MME: variants seen among roughly 807,000 people sequenced by gnomAD.
The protein encoded by MME is membrane metalloendopeptidase, also known as neprilysin.
In MME, 98 loss-of-function variants were observed where a neutral mutation model predicts 113.2. That is an observed-to-expected ratio of 0.87 (90% CI 0.74 to 1.02). The LOEUF is 1.02. Among genes scored for constraint, MME ranks in the 50% least tolerant of loss-of-function variants. MME has a pLI of 0.00. For missense variants in MME, 836 were observed against 896.0 expected (o/e 0.93, Z 0.86); for synonymous variants, 292 against 300.6 (o/e 0.97, Z 0.30).
At chr3:155,069,391 G>T (rs760744168) in intron 1 of MME, among the ~76,000 whole-genome samples, 2 of 152,134 alleles carry the variant, frequency 1.3e-5, no homozygotes, top group Non-Finnish European at 2.9e-5. Context: ...AATTAAAGAT[G>T]CTTTCAGTGA....
intron 8 of MME, among the ~76,000 whole-genome samples, chr3:155,126,450 A>G (rs1369177299): frequency 6.6e-6 from 1 of 150,896 alleles, no homozygotes; most frequent in Admixed American, 6.6e-5. Flanking sequence ...TTTGCATTTT[A>G]TACTCAATGC....
At chr3:155,134,444 T>C (rs1720454918) in intron 8 of MME, among the ~76,000 whole-genome samples, 1 of 152,198 alleles carries the variant, frequency 6.6e-6, no homozygotes, top group South Asian at 2.1e-4. Flanking sequence ...TCCAGCTGCA[T>C]CCATGTTGCT....
chr3:155,132,375 T>C (rs1720210833), intron 8 of MME, among the ~76,000 whole-genome samples: 1 of 152,196 alleles, frequency 6.6e-6, no homozygotes, highest in Non-Finnish European at 1.5e-5. Flanking sequence ...TAGTCCTAAC[T>C]AGAGTAACTA....
chr3:155,164,455 ATCC>A (rs1272893640), intron 17 of MME, among the ~76,000 whole-genome samples: 6 of 152,132 alleles, frequency 3.9e-5, no homozygotes, highest in African/African-American at 1.2e-4. Context: ...AGTGGGGAAA[ATCC>A]TCCTTACAGA....
intron 1 of MME, among the ~76,000 whole-genome samples, chr3:155,025,120 G>T (rs1224941618): frequency 4.6e-5 from 7 of 152,332 alleles, no homozygotes; most frequent in East Asian, 1.9e-4. Context: ...GAAAGGTGGA[G>T]CAGAGTATCT....
chr3:155,142,617 T>C (rs575328529), intron 12 of MME, among the ~76,000 whole-genome samples: 13 of 152,278 alleles, frequency 8.5e-5, no homozygotes, highest in African/African-American at 3.1e-4. Flanking sequence ...TTTTTTGTTG[T>C]TGTTACTGTG....
intron 8 of MME, among the ~76,000 whole-genome samples, chr3:155,135,430 A>C (rs1720546300): frequency 8.9e-6 from 1 of 112,662 alleles, no homozygotes; most frequent in African/African-American, 3.0e-5. Flanking sequence ...ACTTTGTCAC[A>C]GATCAGATGG....
chr3:155,095,924 T>C (rs62279988), intron 3 of MME, among the ~76,000 whole-genome samples: 26,454 of 152,018 alleles, frequency 0.17, 3,071 homozygotes, highest in Non-Finnish European at 0.26. Context: ...GCAGCTAAAG[T>C]GATAGCAATG....
intron 17 of MME, among the ~76,000 whole-genome samples, chr3:155,162,726 A>G (rs536896189): frequency 2.8e-4 from 43 of 152,114 alleles, no homozygotes; most frequent in African/African-American, 9.9e-4. Context: ...AGGAATGTTT[A>G]TGTGGGCTGG....
chr3:155,076,840 G>C (rs1714764911), upstream of MME, among the ~76,000 whole-genome samples: 1 of 152,168 alleles, frequency 6.6e-6, no homozygotes, highest in Non-Finnish European at 1.5e-5. Flanking sequence ...TTTGTAAACT[G>C]TCATAGCACT....
At chr3:155,054,574 C>G (rs1185013647) in intron 1 of MME, among the ~76,000 whole-genome samples, 1 of 152,188 alleles carries the variant, frequency 6.6e-6, no homozygotes, top group African/African-American at 2.4e-5. Context: ...GCAATCCCAG[C>G]ACTTTGGGAG....
At chr3:155,130,181 A>G (rs941906210) in intron 8 of MME, among the ~76,000 whole-genome samples, 8 of 152,358 alleles carry the variant, frequency 5.3e-5, no homozygotes, top group Admixed American at 5.2e-4. Context: ...AGAAGGAGCA[A>G]TAAGTGAGGT....
chr3:155,057,283 A>T (rs1179829322), intron 1 of MME, among the ~76,000 whole-genome samples: 1 of 152,188 alleles, frequency 6.6e-6, no homozygotes, highest in Non-Finnish European at 1.5e-5. Context: ...AAAAGTGGGC[A>T]AAGAACATGA....
At chr3:155,124,679 T>A (rs1281219460) in intron 8 of MME, among the ~76,000 whole-genome samples, 87 of 151,630 alleles carry the variant, frequency 5.7e-4, no homozygotes, top group East Asian at 3.3e-3. Context: ...TACCCTGCCG[T>A]GTGAGGTGTC....
At chr3:155,084,552 G>T (rs557989628) in intron 2 of MME, among the ~76,000 whole-genome samples, 1 of 152,150 alleles carries the variant, frequency 6.6e-6, no homozygotes. Context: ...TATTTAGTGC[G>T]CTCACGCTTA....
chr3:155,068,904 G>A (rs773182795), intron 1 of MME, among the ~76,000 whole-genome samples: 12 of 152,166 alleles, frequency 7.9e-5, no homozygotes, highest in Admixed American at 3.9e-4. Context: ...GAAATAAAGT[G>A]TAGGGAAAAA....
chr3:155,103,971 A>T (rs75332387), intron 3 of MME, among the ~76,000 whole-genome samples: 2 of 152,340 alleles, frequency 1.3e-5, no homozygotes, highest in Non-Finnish European at 2.9e-5. Context: ...TGAATACAGT[A>T]GGAGCTTTAC....
chr3:155,131,546 C>A (rs1022488367), intron 8 of MME, among the ~76,000 whole-genome samples: 37 of 152,192 alleles, frequency 2.4e-4, no homozygotes, highest in Admixed American at 1.8e-3. Context: ...TTTTTGAGAT[C>A]AACTGAACTC....
intron 16 of MME, among the ~76,000 whole-genome samples, chr3:155,149,923 T>C (rs1382839935): frequency 6.6e-6 from 1 of 152,186 alleles, no homozygotes; most frequent in Non-Finnish European, 1.5e-5. Flanking sequence ...ATAGAATGTT[T>C]AGTGTCCCAT....
Sources: gnomAD v4.1 joint callset for allele counts (sites outside exome capture counted in the v4.1 genomes callset) on GRCh38, gnomAD v4.1.1 for gene constraint, MANE v1.5 for transcripts, NCBI Gene and HGNC (gene_info 2026-07-23, HGNC 2026-07-21) for gene names.